Variants in PDHX observed in about 807,000 individuals in gnomAD.
The protein encoded by PDHX is pyruvate dehydrogenase complex component X.
In PDHX, 33 loss-of-function variants were observed where a neutral mutation model predicts 55.3. The observed-to-expected ratio is 0.60, with a 90% CI of 0.45 to 0.80. The LOEUF (loss-of-function observed/expected upper bound fraction) is 0.80. Ranked by LOEUF, PDHX falls within the 30% of genes least tolerant of loss-of-function variation. PDHX has a pLI of 0.00. For missense variants in PDHX, 622 were observed against 619.9 expected (o/e 1.00, Z -0.04); for synonymous variants, 226 against 219.4 (o/e 1.03, Z -0.27).
intron 9 of PDHX, among the ~76,000 whole-genome samples, chr11:34,991,783 G>A (rs187165656): frequency 4.0e-5 from 6 of 151,740 alleles, no homozygotes; most frequent in Admixed American, 2.0e-4. Context: ...GGCGGTGGGT[G>A]CCTGAAATCT....
chr11:34,953,587 CT>C (rs1854831776), intron 3 of PDHX, among the ~76,000 whole-genome samples: 1 of 152,100 alleles, frequency 6.6e-6, no homozygotes, highest in South Asian at 2.1e-4. Flanking sequence ...CACTTTATAC[CT>C]TTTAAACTTG....
chr11:34,947,000 T>G (rs1333324052), intron 2 of PDHX, among the ~76,000 whole-genome samples: 1 of 152,216 alleles, frequency 6.6e-6, no homozygotes, highest in Non-Finnish European at 1.5e-5. Context: ...ACTTCAGTTG[T>G]GTCTTTGATT....
At chr11:34,937,611 A>G (rs560586449) in intron 2 of PDHX, among the ~76,000 whole-genome samples, 33 of 152,282 alleles carry the variant, frequency 2.2e-4, no homozygotes, top group African/African-American at 7.5e-4. Flanking sequence ...GTGAAGTCTG[A>G]CTTGGAGACA....
intron 1 of PDHX, among the ~76,000 whole-genome samples, chr11:34,920,430 A>G (rs1853846658): frequency 6.6e-6 from 1 of 152,196 alleles, no homozygotes; most frequent in Non-Finnish European, 1.5e-5. Context: ...CTAGTAATCT[A>G]GGAAGTTATA....
At chr11:34,949,590 C>T (rs899951952) in intron 3 of PDHX, among the ~76,000 whole-genome samples, 1 of 151,822 alleles carries the variant, frequency 6.6e-6, no homozygotes, top group Non-Finnish European at 1.5e-5. Flanking sequence ...ATTTAAAGAT[C>T]AGTTCATCAG....
At chr11:34,936,809 AG>A (rs1266647465) in intron 2 of PDHX, among the ~76,000 whole-genome samples, 2 of 10,164 alleles carry the variant, frequency 2.0e-4, no homozygotes, top group African/African-American at 7.0e-4. Context: ...TTTTTTTCTG[AG>A]ACAGAGTCTC....
chr11:34,985,457 A>G lies in PDHX; in HGVS notation c.1182+729A>G, dbSNP rs550124512. Among the ~76,000 whole-genome samples, 5 of 152,334 alleles carry G rather than the reference A, an allele frequency of 3.3e-5. No individual in the cohort carries two copies. In the South Asian group the frequency reaches 1.0e-3, roughly 32 times the overall value. On this transcript the variant is annotated intron_variant, in intron 9 of 10. Coordinates refer to ENST00000227868, the MANE Select transcript of PDHX (RefSeq NM_003477.3). Reference sequence around the variant, plus strand: ...TCCATCTCAAAAAAGAAATGGACGTAATGTTCCAGAGGCAAAGTTACTTTA... The same window carrying G: ...TCCATCTCAAAAAAGAAATGGACGTGATGTTCCAGAGGCAAAGTTACTTTA...
In PDHX at chr11:34,960,442, C is replaced by A. The variant is rs150572021; in HGVS notation, c.565C>A (p.Arg189Ser). The change falls in exon 5 of 11, where the codon CGC (arginine) becomes AGC (serine). Residue 189 changes from arginine to serine, a missense_variant. Transcript: ENST00000227868. ...TLRFRLSPAA[R>S]NILEKHSLDA... ...TAGGTTCCGTTTAAGTCCAGCTGCC[C>A]GCAATATTCTGGAAAAACACTCACT... 6.2e-7 allele frequency: 1 copy of A among 1,612,822 alleles called. No homozygotes were observed. The highest frequency in any genetic ancestry group is 2.2e-5 in the East Asian group (1 of 44,774).
At chr11:34,950,253 C>T (rs987857571) in intron 3 of PDHX, among the ~76,000 whole-genome samples, 13 of 151,450 alleles carry the variant, frequency 8.6e-5, no homozygotes, top group East Asian at 3.9e-4. Flanking sequence ...CTGTCTAGAC[C>T]GTGATATTTT....
At chr11:34,937,003 C>G (rs531765144) in intron 2 of PDHX, among the ~76,000 whole-genome samples, 41 of 151,904 alleles carry the variant, frequency 2.7e-4, no homozygotes, top group South Asian at 8.3e-4. Flanking sequence ...TGGCTGGTCT[C>G]GAATTTCTGA....
In PDHX at chr11:34,947,543, T is replaced by G; in HGVS notation, c.279T>G (p.Ile93Met). ...GTGCTGGAGATGCATTATGTGAAAT[T>G]GAGACTGACAAAGCTGTGGTTACCT... The part of the protein sequence containing the change: ...AVSAGDALCE[I>M]ETDKAVVTLD... Residue 93 changes from isoleucine (I) to methionine (M), a missense_variant, in exon 3 of 11, where the codon ATT (isoleucine) becomes ATG (methionine). Ile to Met is a conservative substitution (Grantham distance 10). Coordinates refer to ENST00000227868, the MANE Select transcript of PDHX (RefSeq NM_003477.3). The G allele has an allele frequency of 6.2e-7, 1 of 1,613,680 alleles. No homozygotes were observed. The highest frequency in any genetic ancestry group is 8.5e-7 in the Non-Finnish European group (1 of 1,179,668).
chr11:34,916,952 G>A (rs986868262), intron 1 of PDHX, 137 bp downstream of exon 1: 1 of 919,584 alleles, frequency 1.1e-6, no homozygotes, highest in African/African-American at 1.6e-5. Flanking sequence ...TCTCCGGTTG[G>A]GGTCCGCCGA....
chr11:34,933,350 T>C (rs1378292024), intron 2 of PDHX, among the ~76,000 whole-genome samples: 1 of 152,188 alleles, frequency 6.6e-6, no homozygotes, highest in East Asian at 1.9e-4. Context: ...TAATAGATTA[T>C]AACTGAAGGA....
intron 1 of PDHX, among the ~76,000 whole-genome samples, chr11:34,918,403 C>A (rs1853793581): frequency 6.6e-6 from 1 of 151,276 alleles, no homozygotes; most frequent in South Asian, 2.1e-4. Context: ...TGCCGCTGCA[C>A]TTTAGCCTGG....
upstream of PDHX, chr11:34,915,978 T>G (rs1853671806): frequency 1.7e-6 from 1 of 581,402 alleles, no homozygotes; most frequent in South Asian, 2.1e-5. Context: ...AGTTATTTGC[T>G]TCTTTCCAAC....
At chr11:34,973,762 T>C (rs533907304) in intron 7 of PDHX, among the ~76,000 whole-genome samples, 2 of 152,308 alleles carry the variant, frequency 1.3e-5, no homozygotes, top group South Asian at 4.1e-4. Context: ...AGAATACATG[T>C]TTAATGTTTT....
At chr11:34,972,768 G>A (rs1339934766) in intron 7 of PDHX, among the ~76,000 whole-genome samples, 1 of 152,058 alleles carries the variant, frequency 6.6e-6, no homozygotes, top group Admixed American at 6.6e-5. Context: ...TGATCGATGA[G>A]TTATTTGTAA....
intron 2 of PDHX, among the ~76,000 whole-genome samples, chr11:34,943,353 G>A (rs763236307): frequency 6.6e-6 from 1 of 152,178 alleles, no homozygotes; most frequent in Non-Finnish European, 1.5e-5. Flanking sequence ...AGTCGAATCT[G>A]TAGTTCTTAA....
intron 3 of PDHX, among the ~76,000 whole-genome samples, chr11:34,955,464 G>A (rs1854883350): frequency 6.6e-6 from 1 of 152,032 alleles, no homozygotes; most frequent in Non-Finnish European, 1.5e-5. Context: ...ATAATCAACT[G>A]TATTTTATCT....
Sources: gnomAD v4.1 joint callset for allele counts (sites outside exome capture counted in the v4.1 genomes callset) on GRCh38, gnomAD v4.1.1 for gene constraint, MANE v1.5 for transcripts, NCBI Gene and HGNC (gene_info 2026-07-23, HGNC 2026-07-21) for gene names.